Variants in ABR observed in about 807,000 individuals in gnomAD.
The protein encoded by ABR is active breakpoint cluster region-related protein.
Under a neutral mutation model 107.2 loss-of-function variants are expected in ABR, and 35 were observed. The observed-to-expected ratio is 0.33, with a 90% CI of 0.25 to 0.43. The LOEUF (loss-of-function observed/expected upper bound fraction) is 0.43, where lower values mean the gene tolerates loss of function less well. Among genes scored for constraint, ABR ranks in the 20% least tolerant of loss-of-function variants. The pLI is 1.00. For synonymous variants in ABR, 498 were observed against 462.0 expected, an observed-to-expected ratio of 1.08 and a Z score of -1.00; for missense variants, 815 against 1,115.2, an observed-to-expected ratio of 0.73 and a Z score of 3.83.
chr17:1,045,578 C>T (rs987336245), intron 16 of ABR, among the ~76,000 whole-genome samples: 1 of 152,178 alleles, frequency 6.6e-6, no homozygotes, highest in African/African-American at 2.4e-5. Flanking sequence ...CTTGTCCGGG[C>T]TCCTTAGCCC....
At chr17:1,178,909 C>T (rs1268183834) in intron 1 of ABR, among the ~76,000 whole-genome samples, 1 of 151,940 alleles carries the variant, frequency 6.6e-6, no homozygotes, top group African/African-American at 2.4e-5. Context: ...ACACCATTAC[C>T]CGTGATCAGT....
At chr17:1,048,786 C>T (rs552220475) in intron 16 of ABR, among the ~76,000 whole-genome samples, 21 of 144,426 alleles carry the variant, frequency 1.5e-4, no homozygotes, top group African/African-American at 5.8e-4. Context: ...GGATCACGTC[C>T]GGGGCCACGG....
intron 1 of ABR, among the ~76,000 whole-genome samples, chr17:1,126,991 C>T (rs1002177414): frequency 6.6e-6 from 1 of 152,240 alleles, no homozygotes; most frequent in African/African-American, 2.4e-5. Flanking sequence ...CACAACACAC[C>T]AGCCCACAGG....
At chr17:1,146,190 G>A (rs943811714) in intron 1 of ABR, among the ~76,000 whole-genome samples, 9 of 151,848 alleles carry the variant, frequency 5.9e-5, no homozygotes, top group African/African-American at 1.2e-4. Flanking sequence ...CTAGGTGTGC[G>A]CGGAGCTGGG....
At chr17:1,015,747 C>T (rs1310653988) in intron 16 of ABR, among the ~76,000 whole-genome samples, 2 of 152,168 alleles carry the variant, frequency 1.3e-5, no homozygotes, top group Middle Eastern at 3.2e-3. Context: ...CGTGAGCCAC[C>T]GCGCCTGGCC....
At position 1,012,644 on chromosome 17, in the gene ABR, C is replaced by T. The variant is rs201199056; in HGVS notation, c.1961+44G>A. On this transcript the variant is annotated intron_variant, in intron 18 of 22. Transcript: ENST00000302538. Reference sequence around the variant, plus strand: ...TGGGGGGCCCGGGCTGGGGGGGACCCGGGGCACCGACGCCAGGACTGGGAG... The same window carrying T: ...TGGGGGGCCCGGGCTGGGGGGGACCTGGGGCACCGACGCCAGGACTGGGAG... The T allele has an allele frequency of 1.6e-4, 229 of 1,473,568 alleles. 1 individual carries two copies. The South Asian group carries it at 1.9e-3, about 12-fold the overall frequency. The allele number at this position is 1,473,568 out of a possible 1,614,324, so 91.3% of individuals were successfully genotyped here.
intron 1 of ABR, among the ~76,000 whole-genome samples, chr17:1,142,802 CCT>C (rs1313749216): frequency 2.0e-5 from 3 of 152,122 alleles, no homozygotes; most frequent in African/African-American, 7.2e-5. Context: ...GGGGTCGGCC[CCT>C]GTCTCATTCA....
intron 2 of ABR, among the ~76,000 whole-genome samples, chr17:1,107,954 A>T (rs928516189): frequency 1.3e-5 from 2 of 152,088 alleles, no homozygotes; most frequent in African/African-American, 4.8e-5. Flanking sequence ...CAGGACTGTG[A>T]TCCCCATCTT....
At position 1,072,672 on chromosome 17, in the gene ABR, G is replaced by T; in HGVS notation, c.836C>A (p.Ser279Tyr). The T allele has an allele frequency of 6.2e-7, 1 of 1,613,476 alleles. No homozygotes were observed. ...DALRISQNFL[S>Y]SINEDIDPRR... The stretch of plus-strand genomic sequence containing the variant: ...GGGGTCGATGTCCTCGTTGATGCTG[G>T]ACAGGAAGTTCTGGGAGATGCGGAG... Residue 279 changes from serine to tyrosine, a missense_variant, in exon 8 of 23, where the codon TCC becomes TAC. By Grantham distance (144) the Ser-to-Tyr change is moderately radical. Coordinates refer to ENST00000302538, the MANE Select transcript of ABR (RefSeq NM_021962.5).
intron 1 of ABR, among the ~76,000 whole-genome samples, chr17:1,136,768 T>TGG (rs1470240047): frequency 6.6e-6 from 1 of 152,204 alleles, no homozygotes. Context: ...TGCTCTGGAT[T>TGG]GGGCTCCGGC....
At position 1,048,362 on chromosome 17, in the gene ABR, G is replaced by A. The variant is rs113408311; in HGVS notation, c.1791+1688C>T. Among the ~76,000 whole-genome samples, 35 of 152,284 alleles carry A rather than the reference G, an allele frequency of 2.3e-4. No individual in the cohort carries two copies. In the South Asian group the frequency reaches 3.1e-3, roughly 14 times the overall value. On this transcript the variant is annotated intron_variant, in intron 16 of 22. Coordinates refer to ENST00000302538, the MANE Select transcript of ABR (RefSeq NM_021962.5). ...ACACTGGAGCCTGAGATGGGGCAGC[G>A]AGTGGGAGACCCACACAGCTCCCCA...
At chr17:1,209,146 TTGGAATTGATAGAGTTCATGGGAGCC>T (rs1274853122) in intron 1 of ABR, among the ~76,000 whole-genome samples, 2 of 151,540 alleles carry the variant, frequency 1.3e-5, no homozygotes, top group Non-Finnish European at 2.9e-5. Context: ...TCATGGGAGC[TTGGAATTGATAGAGTTCATGGGAGCC>T]TGGAACTTAC....
chr17:1,152,691 T>C (rs1486418673), intron 1 of ABR, among the ~76,000 whole-genome samples: 6 of 152,094 alleles, frequency 3.9e-5, no homozygotes, highest in Non-Finnish European at 8.8e-5. Flanking sequence ...TTTCCCGTTG[T>C]AGGCAAAAGA....
intron 2 of ABR, 146 bp from the exon 3 acceptor site, chr17:1,100,881 T>G: frequency 2.7e-6 from 2 of 734,632 alleles, no homozygotes; most frequent in Non-Finnish European, 4.5e-6. Flanking sequence ...TGAAGTAAAG[T>G]GGCACAATCT....
chr17:1,151,487 C>T (rs2040790888), intron 1 of ABR, among the ~76,000 whole-genome samples: 1 of 151,018 alleles, frequency 6.6e-6, no homozygotes, highest in Non-Finnish European at 1.5e-5. Flanking sequence ...AACGCCCCCA[C>T]CTCTCTCATT....
intron 1 of ABR, among the ~76,000 whole-genome samples, chr17:1,194,016 T>C: frequency 6.6e-6 from 1 of 152,082 alleles, no homozygotes; most frequent in Non-Finnish European, 1.5e-5. Context: ...AAGCTTACTC[T>C]CCAGGGGAAG....
intron 1 of ABR, among the ~76,000 whole-genome samples, chr17:1,167,876 G>A (rs777492233): frequency 5.7e-4 from 87 of 152,322 alleles, no homozygotes; most frequent in Middle Eastern, 3.4e-3. Flanking sequence ...GATATCGGCC[G>A]GGCGGGTCGC....
intron 16 of ABR, among the ~76,000 whole-genome samples, chr17:1,031,232 C>T (rs1597450974): frequency 6.6e-6 from 1 of 152,142 alleles, no homozygotes; most frequent in Non-Finnish European, 1.5e-5. Flanking sequence ...CAGCAAGGCC[C>T]GCTGGATGCA....
rs547792242 is a variant in ABR, at chr17:1,197,101, C to T, written c.838+31692G>A. ...CCTCCTGGACAGACGCATCCTGCAACGCTCCAGAGGGTATCGGATCTCGGG... is the reference window on the plus strand; with the variant it reads ...CCTCCTGGACAGACGCATCCTGCAATGCTCCAGAGGGTATCGGATCTCGGG... On this transcript the variant is annotated intron_variant, in intron 1 of 22. Transcript: ENST00000574139. Among the ~76,000 whole-genome samples, 22 of 151,664 alleles carry T rather than the reference C, an allele frequency of 1.5e-4. No individual in the cohort carries two copies. The East Asian group carries it at 4.1e-3, about 28-fold the overall frequency.
Sources: gnomAD v4.1 joint callset for allele counts (sites outside exome capture counted in the v4.1 genomes callset) on GRCh38, gnomAD v4.1.1 for gene constraint, MANE v1.5 for transcripts, NCBI Gene and HGNC (gene_info 2026-07-23, HGNC 2026-07-21) for gene names.